The following PDPK1 variants were observed in gnomAD, a reference collection of about 807,000 sequenced individuals.
PDPK1 encodes 3-phosphoinositide dependent protein kinase 1.
A neutral mutation model predicts 39.8 loss-of-function variants in PDPK1; 7 were observed. That is an observed-to-expected ratio of 0.18 (90% CI 0.10 to 0.33). PDPK1 has a LOEUF of 0.33. Among genes scored for constraint, PDPK1 ranks in the 10% least tolerant of loss-of-function variants. The pLI, the probability that PDPK1 is intolerant of heterozygous loss-of-function variation, is 1.00. For missense variants in PDPK1, 182 were observed against 384.7 expected, an observed-to-expected ratio of 0.47 and a Z score of 4.41; for synonymous variants, 118 against 159.1, an observed-to-expected ratio of 0.74 and a Z score of 1.95.
intron 1 of PDPK1, among the ~76,000 whole-genome samples, chr16:2,552,540 T>A (rs2066434716): frequency 1.4e-5 from 2 of 147,014 alleles, no homozygotes; most frequent in East Asian, 4.0e-4. Flanking sequence ...CAGCACCTGG[T>A]GGTCCCATCT....
intron 7 of PDPK1, among the ~76,000 whole-genome samples, chr16:2,577,729 TTTTTTTTGTTTTTG>T (rs1319748105): frequency 1.3e-5 from 2 of 149,200 alleles, no homozygotes; most frequent in Middle Eastern, 3.2e-3. Flanking sequence ...ATCGTTTGGG[TTTTTTTTGTTTTTG>T]TTTTTTTGTT....
At chr16:2,539,931 C>CT (rs1258538420) in intron 1 of PDPK1, among the ~76,000 whole-genome samples, 1 of 152,174 alleles carries the variant, frequency 6.6e-6, no homozygotes, top group Non-Finnish European at 1.5e-5. Flanking sequence ...CATGAGATGG[C>CT]TTTTTTGCAC....
intron 11 of PDPK1, among the ~76,000 whole-genome samples, chr16:2,588,214 G>A (rs1048881579): frequency 2.6e-5 from 4 of 152,242 alleles, no homozygotes; most frequent in Non-Finnish European, 4.4e-5. Flanking sequence ...GGCAGCAACA[G>A]TCTACAGCTA....
At position 2,599,029 on chromosome 16, in the gene PDPK1, T is replaced by G. The variant is rs1380417901; in HGVS notation, c.*1262T>G. 1 of 233,340 alleles carries G rather than the reference T, an allele frequency of 4.3e-6. No individual in the cohort carries two copies. The highest frequency in any genetic ancestry group is 2.2e-5 in the African/African-American group (1 of 45,350). 14.5% of individuals were successfully genotyped at this position (233,340 alleles called of 1,614,324 possible). A position where few individuals can be genotyped will look rare whatever the true frequency, so the allele number is the denominator to read the frequency against. The stretch of plus-strand genomic sequence containing the variant: ...CCCAGCTTGCTGGTCGGCTTTCCTC[T>G]AGAGAGAGCCGGTTTTGGGGCCATT... On this transcript the variant is annotated 3_prime_UTR_variant, in exon 14 of 14. Coordinates refer to ENST00000342085, the MANE Select transcript of PDPK1 (RefSeq NM_002613.5).
Position 2,538,142 on chromosome 16 carries a change from C to T in PDPK1, c.24+6C>T, listed in dbSNP as rs1307542105. ...CCAGGACCACCAGCCAGCTGGTGAGCGCGCGGCGGCGGACTGGACGCGCCG... is the reference window on the plus strand; with the variant it reads ...CCAGGACCACCAGCCAGCTGGTGAGTGCGCGGCGGCGGACTGGACGCGCCG... On this transcript the variant is annotated splice_donor_region_variant and intron_variant, in intron 1 of 13. Coordinates refer to ENST00000342085, the MANE Select transcript of PDPK1 (RefSeq NM_002613.5). 14 of 1,060,454 alleles carry T rather than the reference C, an allele frequency of 1.3e-5. No individual in the cohort carries two copies. The highest frequency in any genetic ancestry group is 3.4e-5 in the African/African-American group (2 of 58,402). 65.7% of individuals were successfully genotyped at this position (1,060,454 alleles called of 1,614,324 possible).
In PDPK1 at chr16:2,598,832, C is replaced by T. The variant is rs1004686263; in HGVS notation, c.*1065C>T. On this transcript the variant is annotated 3_prime_UTR_variant, in exon 14 of 14. Coordinates refer to ENST00000342085, the MANE Select transcript of PDPK1 (RefSeq NM_002613.5). ...CCACGCCAGGGAGTGCAGACACCACCGTCACACACGCCCCTTTTGTGTTTT... is the reference window on the plus strand; with the variant it reads ...CCACGCCAGGGAGTGCAGACACCACTGTCACACACGCCCCTTTTGTGTTTT... The T allele has an allele frequency of 1.3e-5, 3 of 233,216 alleles. No individual in the cohort carries two copies. The highest frequency in any genetic ancestry group is 4.4e-5 in the African/African-American group (2 of 45,334). The allele number at this position is 233,216 out of a possible 1,614,324, so 14.4% of individuals were successfully genotyped here. A position where few individuals can be genotyped will look rare whatever the true frequency, so the allele number is the denominator to read the frequency against.
chr16:2,540,387 G>A (rs74003027), intron 1 of PDPK1, among the ~76,000 whole-genome samples: 3,100 of 152,276 alleles, frequency 0.02, 104 homozygotes, highest in African/African-American at 0.072. Flanking sequence ...ACCTCATTGC[G>A]AGGTAGGTGT....
At chr16:2,584,808 G>A (rs1230961846) in intron 10 of PDPK1, among the ~76,000 whole-genome samples, 1 of 152,206 alleles carries the variant, frequency 6.6e-6, no homozygotes, top group Non-Finnish European at 1.5e-5. Flanking sequence ...AGCCAGGCTT[G>A]GGGAGCGGAG....
intron 10 of PDPK1, among the ~76,000 whole-genome samples, chr16:2,586,424 A>G (rs1364449269): frequency 1.3e-5 from 2 of 152,226 alleles, no homozygotes; most frequent in African/African-American, 2.4e-5. Flanking sequence ...CTGGAGAGGA[A>G]ATCTGAGGCT....
rs550805661 is a variant in PDPK1 at position 2,592,923 on chromosome 16, C to G, written c.1344-2870C>G. On this transcript the variant is annotated intron_variant, in intron 11 of 13. Transcript: ENST00000342085. ...TCCGTGGGGCCCTTGCCTGCCTCCC[C>G]GTGGTGCTGGCGTGTTCTGTCACTG... 7 of 456,660 alleles carry G rather than the reference C, an allele frequency of 1.5e-5. No homozygotes were observed. In the Middle Eastern group the frequency reaches 9.8e-4, roughly 64 times the overall value. The allele number at this position is 456,660 out of a possible 1,614,324, so 28.3% of individuals were successfully genotyped here.
intron 7 of PDPK1, among the ~76,000 whole-genome samples, chr16:2,578,211 G>T (rs2066754749): frequency 6.9e-6 from 1 of 145,464 alleles, no homozygotes; most frequent in African/African-American, 2.6e-5. Context: ...GCGCAGGGAG[G>T]CCCTGGAGGG....
intron 1 of PDPK1, among the ~76,000 whole-genome samples, chr16:2,541,299 C>T (rs1356010653): frequency 3.9e-5 from 6 of 152,164 alleles, no homozygotes; most frequent in African/African-American, 7.2e-5. Context: ...CACTCATCCC[C>T]TGAGCCGCCT....
In PDPK1 at chr16:2,599,776, C is replaced by T; in HGVS notation, c.*2009C>T. 1 of 233,748 alleles carries T rather than the reference C, an allele frequency of 4.3e-6. No individual in the cohort carries two copies. Among genetic ancestry groups the T allele is most frequent in the Non-Finnish European group, 8.4e-6 (1 of 118,344 alleles). The allele number at this position is 233,748 out of a possible 1,614,324, so 14.5% of individuals were successfully genotyped here. A position where few individuals can be genotyped will look rare whatever the true frequency, so the allele number is the denominator to read the frequency against. On this transcript the variant is annotated 3_prime_UTR_variant, in exon 14 of 14. Transcript: ENST00000342085. Reference sequence around the variant, plus strand: ...TCTCCATGTAGGAGAGTGGCTCTCTCAGATCTCTCAGGGCGTCTGGTTATA... The same window carrying T: ...TCTCCATGTAGGAGAGTGGCTCTCTTAGATCTCTCAGGGCGTCTGGTTATA...
At chr16:2,550,382 G>A (rs1490531963) in intron 1 of PDPK1, among the ~76,000 whole-genome samples, 3 of 73,754 alleles carry the variant, frequency 4.1e-5, no homozygotes, top group Non-Finnish European at 7.5e-5. Flanking sequence ...TTTACCAGAA[G>A]GCTCGAGTGG....
chr16:2,553,024 G>C (rs2066444653), intron 1 of PDPK1, among the ~76,000 whole-genome samples: 1 of 146,182 alleles, frequency 6.8e-6, no homozygotes, highest in South Asian at 2.1e-4. Flanking sequence ...CCTTCCCTTG[G>C]GGGTGGTACG....
rs1433318405 is a variant in PDPK1, at chr16:2,586,659, T to G, written c.1126-17T>G. 1 of 1,611,182 alleles carries G rather than the reference T, an allele frequency of 6.2e-7. No homozygotes were observed. The highest frequency in any genetic ancestry group is 8.5e-7 in the Non-Finnish European group (1 of 1,177,778). ...GCAAGTGAAGGTGCGGTTCTCACTTTCCCTTCTTCTCTGCAGTATGACAAT... is the reference window on the plus strand; with the variant it reads ...GCAAGTGAAGGTGCGGTTCTCACTTGCCCTTCTTCTCTGCAGTATGACAAT... On this transcript the variant is annotated splice_polypyrimidine_tract_variant and intron_variant, in intron 10 of 13. Coordinates refer to ENST00000342085, the MANE Select transcript of PDPK1 (RefSeq NM_002613.5).
intron 1 of PDPK1, among the ~76,000 whole-genome samples, chr16:2,544,306 A>G (rs1343631364): frequency 2.0e-5 from 3 of 152,140 alleles, no homozygotes; most frequent in Non-Finnish European, 4.4e-5. Flanking sequence ...GGAGGTTCCC[A>G]CAGAAATATT....
At chr16:2,594,785 A>G (rs2067065896) in intron 11 of PDPK1, among the ~76,000 whole-genome samples, 1 of 152,166 alleles carries the variant, frequency 6.6e-6, no homozygotes, top group Non-Finnish European at 1.5e-5. Flanking sequence ...ATTCGAGATC[A>G]GCCTGGCCAA....
intron 10 of PDPK1, 149 bp from the exon 11 acceptor site, chr16:2,586,527 A>C: frequency 1.6e-6 from 1 of 642,996 alleles, no homozygotes; most frequent in East Asian, 2.7e-5. Flanking sequence ...TGTCCCATGG[A>C]GGAGAATCAG....
Sources: gnomAD v4.1 joint callset for allele counts (sites outside exome capture counted in the v4.1 genomes callset) on GRCh38, gnomAD v4.1.1 for gene constraint, MANE v1.5 for transcripts, NCBI Gene and HGNC (gene_info 2026-07-23, HGNC 2026-07-21) for gene names.